The following TOP1 variants were observed in gnomAD, a reference collection of about 807,000 sequenced individuals.
TOP1 encodes the protein DNA topoisomerase I.
A neutral mutation model predicts 111.1 loss-of-function variants in TOP1; 10 were observed. The observed-to-expected ratio is 0.09, with a 90% CI of 0.06 to 0.15. The LOEUF (loss-of-function observed/expected upper bound fraction) is 0.15, where lower values mean the gene tolerates loss of function less well. Ranked by LOEUF, TOP1 falls within the 10% of genes least tolerant of loss-of-function variation. The pLI is 1.00. For missense variants in TOP1, 474 were observed against 926.7 expected (o/e 0.51, Z 6.34); for synonymous variants, 271 against 302.9 (o/e 0.89, Z 1.10).
In TOP1 at chr20:41,092,361, C is replaced by A; in HGVS notation, c.615-111C>A. On this transcript the variant is annotated intron_variant, in intron 8 of 20. Coordinates refer to ENST00000361337, the MANE Select transcript of TOP1 (RefSeq NM_003286.4). The surrounding 1 kb of genome is among the most constrained non-coding windows in gnomAD (Gnocchi z 4.3). ...GGCCTTGAATGTGAGGCCCAGAAGT[C>A]ATTCCAGAGCACTAATCAGTTGAGC... 1.9e-6 allele frequency: 1 copy of A among 519,670 alleles called. No homozygotes were observed. Among genetic ancestry groups the A allele is most frequent in the Non-Finnish European group, 3.5e-6 (1 of 289,632 alleles). 32.2% of individuals were successfully genotyped at this position (519,670 alleles called of 1,614,324 possible). A position where few individuals can be genotyped will look rare whatever the true frequency, so the allele number is the denominator to read the frequency against.
At chr20:41,091,856 T>G (rs1319933290) in intron 8 of TOP1, among the ~76,000 whole-genome samples, 2 of 152,122 alleles carry the variant, frequency 1.3e-5, no homozygotes, top group African/African-American at 2.4e-5. Context: ...ATATGGTGTT[T>G]ATTGTATTAC....
intron 2 of TOP1, among the ~76,000 whole-genome samples, chr20:41,043,508 G>C (rs2033293628): frequency 6.6e-6 from 1 of 152,214 alleles, no homozygotes; most frequent in South Asian, 2.1e-4. Flanking sequence ...GGTGTGTTCA[G>C]TCTTATTCTT....
At chr20:41,073,212 A>G (rs1051889363) in intron 3 of TOP1, 5 of 985,272 alleles carry the variant, frequency 5.1e-6, no homozygotes, top group Non-Finnish European at 4.8e-6. Flanking sequence ...GATTGCCAAA[A>G]GGCTCAGAAA....
rs957369333 is a variant in TOP1 at position 41,115,251 on chromosome 20, T to C, written c.1639-120T>C. On this transcript the variant is annotated intron_variant, in intron 15 of 20. Coordinates refer to ENST00000361337, the MANE Select transcript of TOP1 (RefSeq NM_003286.4). This position sits in a 1 kb window ranked among gnomAD's most constrained non-coding sequence, Gnocchi z 6.3. ...GTAAAATGTTAACAGTGAATCTCGGTGACGGATGTATGCGTGTTCCTTGTG... is the reference window on the plus strand; with the variant it reads ...GTAAAATGTTAACAGTGAATCTCGGCGACGGATGTATGCGTGTTCCTTGTG... 1.6e-6 allele frequency: 1 copy of C among 640,494 alleles called. No homozygotes were observed. The highest frequency in any genetic ancestry group is 1.8e-5 in the African/African-American group (1 of 54,720). 39.7% of individuals were successfully genotyped at this position (640,494 alleles called of 1,614,324 possible).
intron 2 of TOP1, among the ~76,000 whole-genome samples, chr20:41,049,585 G>A (rs1055964480): frequency 3.3e-5 from 5 of 152,170 alleles, no homozygotes; most frequent in Non-Finnish European, 5.9e-5. Context: ...GGGCAGTTAG[G>A]GGGACCCTTT....
chr20:41,047,219 G>A (rs2033345217), intron 2 of TOP1, among the ~76,000 whole-genome samples: 2 of 152,188 alleles, frequency 1.3e-5, no homozygotes, highest in African/African-American at 4.8e-5. Context: ...TTTAAATTTA[G>A]GCATGTGCCA....
rs182033440 is a variant in TOP1, at chr20:41,046,342, G to A, written c.59-15052G>A. Among the ~76,000 whole-genome samples the A allele has an allele frequency of 5.3e-4, 81 of 152,324 alleles. No homozygotes were observed. The highest frequency in any genetic ancestry group is 8.1e-4 in the Non-Finnish European group (55 of 68,026). ...AGTTATAACTAAGCCACAGAGCAGG[G>A]AGGCTAATCTAGGCCTACCTCATGC... is the stretch of plus-strand genomic sequence containing the variant. On this transcript the variant is annotated intron_variant, in intron 2 of 20. Transcript: ENST00000361337. The surrounding 1 kb of genome is among the most constrained non-coding windows in gnomAD (Gnocchi z 4.3).
At chr20:41,070,738 G>T (rs1382764491) in intron 3 of TOP1, among the ~76,000 whole-genome samples, 1 of 152,164 alleles carries the variant, frequency 6.6e-6, no homozygotes, top group Non-Finnish European at 1.5e-5. Flanking sequence ...GCTGTTAGTG[G>T]CTAAGTCCTT....
intron 9 of TOP1, among the ~76,000 whole-genome samples, chr20:41,093,997 G>A (rs1455093079): frequency 1.3e-5 from 2 of 152,150 alleles, no homozygotes; most frequent in Admixed American, 6.5e-5. Flanking sequence ...AGATTGCAGT[G>A]AGCCTAGATC....
intron 2 of TOP1, among the ~76,000 whole-genome samples, chr20:41,056,985 G>A (rs929982568): frequency 6.6e-6 from 1 of 152,124 alleles, no homozygotes; most frequent in East Asian, 1.9e-4. Flanking sequence ...ATGTGGCCGG[G>A]CGCAGTGGCT....
At chr20:41,054,581 T>C (rs755423379) in intron 2 of TOP1, among the ~76,000 whole-genome samples, 1 of 152,180 alleles carries the variant, frequency 6.6e-6, no homozygotes, top group Admixed American at 6.5e-5. Context: ...AAACTTGAGT[T>C]GAGATAGTGT....
rs568718903 is a variant in TOP1 at position 41,121,066 on chromosome 20, T to G, written c.1951-630T>G. Among the ~76,000 whole-genome samples, 85 of 152,276 alleles carry G rather than the reference T, an allele frequency of 5.6e-4. No homozygotes were observed. The highest frequency in any genetic ancestry group is 1.9e-3 in the African/African-American group (77 of 41,558). ...GACCGCTCTCCTTTTAAAAACAGAATGCCAAAGCTAAGCCCTGCCATGTCC... is the reference window on the plus strand; with the variant it reads ...GACCGCTCTCCTTTTAAAAACAGAAGGCCAAAGCTAAGCCCTGCCATGTCC... On this transcript the variant is annotated intron_variant, in intron 18 of 20. Transcript: ENST00000361337. This position sits in a 1 kb window ranked among gnomAD's most constrained non-coding sequence, Gnocchi z 4.2.
In TOP1 at chr20:41,071,647, A is replaced by T. The variant is rs1354908579; in HGVS notation, c.156-4524A>T. Among the ~76,000 whole-genome samples, 1 of 152,136 alleles carries T rather than the reference A, an allele frequency of 6.6e-6. No individual in the cohort carries two copies. The highest frequency in any genetic ancestry group is 2.4e-5 in the African/African-American group (1 of 41,430). ...GGCATGAGCCACCACGCCCAGCCAGATTATTTTTTCTTTAGTGGAATTCAG... is the reference window on the plus strand; with the variant it reads ...GGCATGAGCCACCACGCCCAGCCAGTTTATTTTTTCTTTAGTGGAATTCAG... On this transcript the variant is annotated intron_variant, in intron 3 of 20. Coordinates refer to ENST00000361337, the MANE Select transcript of TOP1 (RefSeq NM_003286.4). This position sits in a 1 kb window ranked among gnomAD's most constrained non-coding sequence, Gnocchi z 4.3.
chr20:41,059,409 A>AAAATAACTAAAT, intron 2 of TOP1, among the ~76,000 whole-genome samples: 1 of 138,102 alleles, frequency 7.2e-6, no homozygotes, highest in South Asian at 2.4e-4. Context: ...AAACTGCTAG[A>AAAATAACTAAAT]AAATAAATAA....
At chr20:41,041,015 A>G (rs1304456974) in intron 2 of TOP1, among the ~76,000 whole-genome samples, 1 of 152,096 alleles carries the variant, frequency 6.6e-6, no homozygotes, top group Non-Finnish European at 1.5e-5. Context: ...CTGTTTGAGT[A>G]TTGATGGCAT....
rs1208970678 is a variant in TOP1 at position 41,116,443 on chromosome 20, G to A, written c.1822+51G>A. On this transcript the variant is annotated intron_variant, in intron 17 of 20. Coordinates refer to ENST00000361337, the MANE Select transcript of TOP1 (RefSeq NM_003286.4). This position sits in a 1 kb window ranked among gnomAD's most constrained non-coding sequence, Gnocchi z 5.6. ...CCCACACCCCTACTAATGGTATCCG[G>A]TGACCTTGCTTATCTAAGGCCTAGA... 6.9e-7 allele frequency: 1 copy of A among 1,440,750 alleles called. No homozygotes were observed. Among genetic ancestry groups the A allele is most frequent in the South Asian group, 1.1e-5 (1 of 86,958 alleles). 89.2% of individuals were successfully genotyped at this position (1,440,750 alleles called of 1,614,324 possible).
At chr20:41,057,449 A>G (rs757317812) in intron 2 of TOP1, among the ~76,000 whole-genome samples, 3 of 152,154 alleles carry the variant, frequency 2.0e-5, no homozygotes, top group African/African-American at 4.8e-5. Context: ...ATTACTTTCA[A>G]TTTATCCTTT....
At chr20:41,062,696 C>T (rs140034952) in intron 3 of TOP1, among the ~76,000 whole-genome samples, 20 of 152,260 alleles carry the variant, frequency 1.3e-4, no homozygotes, top group African/African-American at 2.9e-4. Context: ...TATCCACTAA[C>T]GTCACAGCCT....
At chr20:41,041,983 G>A (rs904291928) in intron 2 of TOP1, among the ~76,000 whole-genome samples, 5 of 152,020 alleles carry the variant, frequency 3.3e-5, no homozygotes, top group African/African-American at 9.7e-5. Context: ...ATCTGGGCTT[G>A]CTGCAACCCC....
Sources: gnomAD v4.1 joint callset for allele counts (sites outside exome capture counted in the v4.1 genomes callset) on GRCh38, gnomAD v4.1.1 for gene constraint, Gnocchi (gnomAD v3.1) non-coding constraint, MANE v1.5 for transcripts, NCBI Gene and HGNC (gene_info 2026-07-23, HGNC 2026-07-21) for gene names.